Variants in BABAM2 observed in about 807,000 individuals in gnomAD.
BABAM2 encodes BRISC and BRCA1-A complex member 2.
BABAM2 carries 31 observed loss-of-function variants against 54.7 expected under a neutral mutation model. That is an observed-to-expected ratio of 0.57 (90% CI 0.43 to 0.77). The LOEUF (loss-of-function observed/expected upper bound fraction) is 0.77, where lower values mean the gene tolerates loss of function less well. BABAM2 is among the 30% of genes least tolerant of loss of function. The probability of loss-of-function intolerance (pLI) is 0.00; values close to 1 mark genes in which losing one functional copy is unlikely to be tolerated. For synonymous variants in BABAM2, 167 were observed against 162.9 expected (o/e 1.03, Z -0.19); for missense variants, 364 against 455.8 (o/e 0.80, Z 1.83).
At chr2:28,255,233 AG>A in intron 10 of BABAM2, among the ~76,000 whole-genome samples, 1 of 152,276 alleles carries the variant, frequency 6.6e-6, no homozygotes, top group Middle Eastern at 3.4e-3. Flanking sequence ...TTTAGAAAAT[AG>A]GAGAAAAAGT....
chr2:28,109,824 A>C (rs558521399), intron 6 of BABAM2, among the ~76,000 whole-genome samples: 9 of 152,260 alleles, frequency 5.9e-5, no homozygotes, highest in African/African-American at 1.7e-4. Flanking sequence ...AAGTTTTTGG[A>C]ATATGCCATA....
At chr2:28,073,994 T>C (rs1354620303) in intron 6 of BABAM2, among the ~76,000 whole-genome samples, 1 of 152,050 alleles carries the variant, frequency 6.6e-6, no homozygotes, top group African/African-American at 2.4e-5. Context: ...TAGATACGTA[T>C]ATATTTACAC....
At chr2:27,985,708 A>G (rs1045492881) in intron 3 of BABAM2, among the ~76,000 whole-genome samples, 2 of 152,068 alleles carry the variant, frequency 1.3e-5, no homozygotes, top group Non-Finnish European at 2.9e-5. Flanking sequence ...AATTATATGT[A>G]CTCACCTTGT....
chr2:28,079,400 G>T (rs943738746), intron 6 of BABAM2, among the ~76,000 whole-genome samples: 2 of 152,152 alleles, frequency 1.3e-5, no homozygotes, highest in African/African-American at 4.8e-5. Flanking sequence ...TTCAGAATTT[G>T]ATTACTCCAA....
chr2:28,330,032 G>T (rs1238194902), intron 11 of BABAM2, among the ~76,000 whole-genome samples: 4 of 152,166 alleles, frequency 2.6e-5, no homozygotes. Context: ...TTCAACATAT[G>T]CAAATCAGTA....
chr2:28,077,455 T>G lies in BABAM2; in HGVS notation c.570+31656T>G, dbSNP rs976345004. On this transcript the variant is annotated intron_variant, in intron 6 of 11. Coordinates refer to ENST00000379624, the MANE Select transcript of BABAM2 (RefSeq NM_199191.3). ...CAGAAGAGGTAGTGTACAGAGGAGCTGTTTATTTCACAAAAAACTTGACAT... is the reference window on the plus strand; with the variant it reads ...CAGAAGAGGTAGTGTACAGAGGAGCGGTTTATTTCACAAAAAACTTGACAT... Among the ~76,000 whole-genome samples, 7 of 152,328 alleles carry G rather than the reference T, an allele frequency of 4.6e-5. No homozygotes were observed. In the South Asian group the frequency reaches 8.3e-4, roughly 18 times the overall value.
chr2:27,937,470 A>T lies in BABAM2; in HGVS notation c.205+7562A>T, dbSNP rs1402481934. Among the ~76,000 whole-genome samples the T allele has an allele frequency of 2.0e-5, 3 of 152,220 alleles. No homozygotes were observed. In the East Asian group the frequency reaches 5.8e-4, roughly 29 times the overall value. ...ATCAACTGGTTTGCTGAACGCATGGATGTGGAACCCACGGATAGAGAGCTG... is the reference window on the plus strand; with the variant it reads ...ATCAACTGGTTTGCTGAACGCATGGTTGTGGAACCCACGGATAGAGAGCTG... On this transcript the variant is annotated intron_variant, in intron 3 of 11. Coordinates refer to ENST00000379624, the MANE Select transcript of BABAM2 (RefSeq NM_199191.3).
intron 6 of BABAM2, among the ~76,000 whole-genome samples, chr2:28,066,828 T>C (rs906199168): frequency 6.6e-6 from 1 of 152,270 alleles, no homozygotes; most frequent in African/African-American, 2.4e-5. Flanking sequence ...CACTTCCTTT[T>C]ACTCACTTCA....
chr2:28,021,919 T>C (rs1349857396), intron 4 of BABAM2, among the ~76,000 whole-genome samples: 1 of 152,192 alleles, frequency 6.6e-6, no homozygotes, highest in African/African-American at 2.4e-5. Flanking sequence ...TTTATAGGTA[T>C]CCTCGCGCAT....
intron 10 of BABAM2, among the ~76,000 whole-genome samples, chr2:28,280,247 G>T (rs200409750): frequency 1.3e-5 from 2 of 151,664 alleles, no homozygotes; most frequent in East Asian, 3.9e-4. Flanking sequence ...TTTTTGTAGA[G>T]ATGGGATCTT....
chr2:28,055,480 T>C (rs941207056), intron 6 of BABAM2, among the ~76,000 whole-genome samples: 6 of 152,228 alleles, frequency 3.9e-5, no homozygotes, highest in African/African-American at 7.2e-5. Flanking sequence ...ACTTAATTTT[T>C]CCTCTCTTCT....
chr2:28,309,826 A>G (rs1168064170), intron 11 of BABAM2: 1 of 452,270 alleles, frequency 2.2e-6, no homozygotes, highest in Non-Finnish European at 4.0e-6. Context: ...AGGCCAACAT[A>G]GCTCGGGTGA....
At chr2:28,146,955 C>T (rs932488211) in intron 7 of BABAM2, among the ~76,000 whole-genome samples, 5 of 152,158 alleles carry the variant, frequency 3.3e-5, no homozygotes, top group African/African-American at 1.2e-4. Context: ...GGACTAGGAG[C>T]AGAAGAGAGT....
chr2:28,141,506 A>C (rs1472524179), intron 7 of BABAM2, among the ~76,000 whole-genome samples: 1 of 152,222 alleles, frequency 6.6e-6, no homozygotes, highest in Non-Finnish European at 1.5e-5. Flanking sequence ...CTATTACTGC[A>C]GAATGAGAGA....
chr2:28,076,176 A>T (rs1014262253), intron 6 of BABAM2, among the ~76,000 whole-genome samples: 4 of 152,110 alleles, frequency 2.6e-5, no homozygotes, highest in Admixed American at 6.5e-5. Context: ...AAGGGGGCTA[A>T]GGTGGGAGGA....
At chr2:27,984,863 A>C (rs1387126488) in intron 3 of BABAM2, among the ~76,000 whole-genome samples, 1 of 151,930 alleles carries the variant, frequency 6.6e-6, no homozygotes, top group Admixed American at 6.6e-5. Flanking sequence ...CTTTCCCTCG[A>C]GTCCCCAAAG....
chr2:28,332,292 G>A (rs1272591447), intron 11 of BABAM2, among the ~76,000 whole-genome samples: 3 of 152,064 alleles, frequency 2.0e-5, no homozygotes, highest in South Asian at 2.1e-4. Flanking sequence ...CGTGGATCCC[G>A]GAACTTTTTT....
chr2:28,276,078 A>G (rs1685854758), intron 10 of BABAM2, among the ~76,000 whole-genome samples: 1 of 152,192 alleles, frequency 6.6e-6, no homozygotes, highest in East Asian at 1.9e-4. Flanking sequence ...TTCACAGTAA[A>G]TAGTACAATT....
chr2:28,171,592 A>C (rs1370735888), intron 7 of BABAM2, among the ~76,000 whole-genome samples: 1 of 152,152 alleles, frequency 6.6e-6, no homozygotes, highest in Non-Finnish European at 1.5e-5. Context: ...TTTTCTTACT[A>C]TCTTGAAGAC....
Sources: allele counts gnomAD v4.1 joint callset (sites outside exome capture counted in the v4.1 genomes callset), GRCh38; gene constraint gnomAD v4.1.1; transcripts MANE v1.5; gene names NCBI Gene and HGNC (gene_info 2026-07-23, HGNC 2026-07-21).